CLDN16: variants seen among roughly 807,000 people sequenced by gnomAD.
CLDN16 encodes claudin 16.
Under a neutral mutation model 24.6 loss-of-function variants are expected in CLDN16, and 13 were observed. That is an observed-to-expected ratio of 0.53 (90% confidence interval 0.34 to 0.84). The LOEUF is 0.84. Among genes scored for constraint, CLDN16 ranks in the 40% least tolerant of loss-of-function variants. The probability of loss-of-function intolerance (pLI) is 0.01; values close to 1 mark genes in which losing one functional copy is unlikely to be tolerated. For synonymous variants in CLDN16, 116 were observed against 106.7 expected, an observed-to-expected ratio of 1.09 and a Z score of -0.54; for missense variants, 298 against 292.7, an observed-to-expected ratio of 1.02 and a Z score of -0.13.
the CLDN16 span, chr3:190,308,427 A>C: frequency 5.6e-6 from 9 of 1,613,674 alleles, no homozygotes; most frequent in South Asian, 9.9e-5. Context: ...AGAGAGCCTG[A>C]CCAAATTCGT....
intron 1 of CLDN16, among the ~76,000 whole-genome samples, chr3:190,343,781 G>T (rs1233866553): frequency 6.6e-6 from 1 of 152,028 alleles, no homozygotes; most frequent in Non-Finnish European, 1.5e-5. Flanking sequence ...AATAAAAAGA[G>T]ATAGAAAATA....
chr3:190,386,043 G>C (rs562907081), upstream of CLDN16, among the ~76,000 whole-genome samples: 1 of 152,238 alleles, frequency 6.6e-6, no homozygotes, highest in Admixed American at 6.5e-5. Context: ...ACTGTTAGCA[G>C]GTAAAGTACA....
intron 1 of CLDN16, among the ~76,000 whole-genome samples, chr3:190,364,991 T>G (rs2108643873): frequency 6.6e-6 from 1 of 151,966 alleles, no homozygotes; most frequent in East Asian, 2.0e-4. Context: ...GAGAACTGGC[T>G]CAGATATGAA....
At chr3:190,358,667 A>T (rs1471872664) in intron 1 of CLDN16, among the ~76,000 whole-genome samples, 7 of 135,874 alleles carry the variant, frequency 5.2e-5, no homozygotes, top group Non-Finnish European at 8.5e-5. Context: ...CTGCAAAATT[A>T]AAAAAAACAA....
intron 3 of CLDN16, among the ~76,000 whole-genome samples, chr3:190,376,263 A>G (rs972451771): frequency 1.3e-5 from 2 of 151,890 alleles, no homozygotes; most frequent in Admixed American, 6.6e-5. Context: ...AAATGGTCAT[A>G]AGGATTGTAT....
intron 1 of CLDN16, among the ~76,000 whole-genome samples, chr3:190,335,543 T>C (rs897551118): frequency 1.3e-5 from 2 of 151,708 alleles, no homozygotes; most frequent in African/African-American, 4.8e-5. Context: ...TGAAACCCTG[T>C]CTCTACTAAA....
intron 1 of CLDN16, among the ~76,000 whole-genome samples, chr3:190,365,051 C>T (rs1717991112): frequency 6.6e-6 from 1 of 151,804 alleles, no homozygotes; most frequent in Admixed American, 6.6e-5. Context: ...TTTATCCATC[C>T]TTAATTTGTT....
chr3:190,381,043 T>C lies in CLDN16; in HGVS notation n.306+6440T>C, dbSNP rs543536583. On this transcript the variant is annotated intron_variant and non_coding_transcript_variant, in intron 3 of 4. Transcript: ENST00000468220. ...TAAAAGATGGGGAACCCAAAGTTAA[T>C]TCTCAAGTCCAAAGGTCAGGACTGG... Among the ~76,000 whole-genome samples, 283 of 152,198 alleles carry C rather than the reference T, an allele frequency of 1.9e-3. No homozygotes were observed. The South Asian group carries it at 0.019, about 10-fold the overall frequency.
At chr3:190,381,614 A>G (rs537292066) in intron 3 of CLDN16, among the ~76,000 whole-genome samples, 45 of 152,144 alleles carry the variant, frequency 3.0e-4, no homozygotes, top group African/African-American at 1.1e-3. Context: ...AGTGTATTGG[A>G]ATAAAATAGA....
chr3:190,334,393 A>AAGC (rs1717253603), intron 1 of CLDN16, among the ~76,000 whole-genome samples: 1 of 152,230 alleles, frequency 6.6e-6, no homozygotes, highest in Non-Finnish European at 1.5e-5. Context: ...GCAAAATGGA[A>AAGC]TAAAGAGACT....
intron 1 of CLDN16, among the ~76,000 whole-genome samples, chr3:190,370,362 T>G (rs1718113102): frequency 6.6e-6 from 1 of 152,018 alleles, no homozygotes; most frequent in Admixed American, 6.6e-5. Context: ...CTACCTACTT[T>G]ATGAGCATAC....
intron 1 of CLDN16, among the ~76,000 whole-genome samples, chr3:190,352,839 A>G (rs1190797328): frequency 6.6e-6 from 1 of 152,012 alleles, no homozygotes; most frequent in East Asian, 1.9e-4. Context: ...CATCAACTGT[A>G]TAAGCAGTGA....
At chr3:190,299,263 G>A in the CLDN16 span, among the ~76,000 whole-genome samples, 1 of 151,984 alleles carries the variant, frequency 6.6e-6, no homozygotes, top group African/African-American at 2.4e-5. Flanking sequence ...GCCTTTGCAT[G>A]AATTTAGCTT....
the CLDN16 span, chr3:190,313,151 T>C: frequency 2.5e-6 from 3 of 1,183,362 alleles, no homozygotes; most frequent in Non-Finnish European, 1.2e-6. Context: ...GGACTAGGAA[T>C]CTAGAGACCC....
At chr3:190,352,697 T>C (rs1402273394) in intron 1 of CLDN16, among the ~76,000 whole-genome samples, 2 of 151,948 alleles carry the variant, frequency 1.3e-5, no homozygotes, top group Non-Finnish European at 2.9e-5. Flanking sequence ...TTCTAGAACA[T>C]CAAAAGGTCC....
rs191225538 is a variant in CLDN16 at position 190,337,491 on chromosome 3, G to A, written n.121+14830G>A. Among the ~76,000 whole-genome samples, 19 of 152,332 alleles carry A rather than the reference G, an allele frequency of 1.2e-4. 1 individual carries two copies. The highest frequency in any genetic ancestry group is 4.6e-4 in the African/African-American group (19 of 41,570). Reference sequence around the variant, plus strand: ...AGGTCTCACGAATGTAGTAGTCATGGCAGCATAGATGGAGACAATATGTGG... The same window carrying A: ...AGGTCTCACGAATGTAGTAGTCATGACAGCATAGATGGAGACAATATGTGG... On this transcript the variant is annotated intron_variant and non_coding_transcript_variant, in intron 1 of 4. Transcript: ENST00000468220.
the CLDN16 span, among the ~76,000 whole-genome samples, chr3:190,297,415 CAT>C: frequency 6.8e-6 from 1 of 146,112 alleles, no homozygotes; most frequent in Non-Finnish European, 1.5e-5. Flanking sequence ...TTTCATTTTA[CAT>C]ATATATATAT....
the CLDN16 span, among the ~76,000 whole-genome samples, chr3:190,296,640 C>T: frequency 6.6e-6 from 1 of 150,968 alleles, no homozygotes; most frequent in Non-Finnish European, 1.5e-5. Context: ...GGCTCTGCCT[C>T]CCGGGTTCAC....
At chr3:190,392,594 C>T (rs1160913786) in intron 1 of CLDN16, among the ~76,000 whole-genome samples, 3 of 152,078 alleles carry the variant, frequency 2.0e-5, no homozygotes, top group South Asian at 2.1e-4. Context: ...AAACCCTAAG[C>T]GAGTGGCTCA....
Sources: gnomAD v4.1 joint callset for allele counts (sites outside exome capture counted in the v4.1 genomes callset) on GRCh38, gnomAD v4.1.1 for gene constraint, MANE v1.5 for transcripts, NCBI Gene and HGNC (gene_info 2026-07-23, HGNC 2026-07-21) for gene names.